Variants in RIMS2 observed in about 807,000 individuals in gnomAD.
RIMS2 encodes regulating synaptic membrane exocytosis 2.
Under a neutral mutation model 174.4 loss-of-function variants are expected in RIMS2, and 59 were observed. The ratio of observed to expected loss-of-function variants is 0.34; its 90% CI spans 0.27 to 0.42. The LOEUF (loss-of-function observed/expected upper bound fraction) is 0.42, where lower values mean the gene tolerates loss of function less well. Among genes scored for constraint, RIMS2 ranks in the 10% least tolerant of loss-of-function variants. The pLI, the probability that RIMS2 is intolerant of heterozygous loss-of-function variation, is 1.00. For missense variants in RIMS2, 1,620 were observed against 1,666.3 expected (o/e 0.97, Z 0.48); for synonymous variants, 606 against 572.5 (o/e 1.06, Z -0.84).
In RIMS2 at chr8:103,652,766, A is replaced by C. The variant is rs1589739375; in HGVS notation, c.177-44320A>C. 1.4e-5 allele frequency: 14 copies of C among 1,035,542 alleles called. No individual in the cohort carries two copies. The East Asian group carries it at 7.6e-4, about 57-fold the overall frequency. The allele number at this position is 1,035,542 out of a possible 1,614,324, so 64.1% of individuals were successfully genotyped here. Reference sequence around the variant, plus strand: ...TTATCTCTGATAGTATAACATACTGAAAAGTATGTGTTAAAATACTGTCCT... The same window carrying C: ...TTATCTCTGATAGTATAACATACTGCAAAGTATGTGTTAAAATACTGTCCT... On this transcript the variant is annotated intron_variant, in intron 1 of 23. Coordinates refer to ENST00000504942, the Ensembl canonical transcript of RIMS2.
chr8:103,909,498 A>T (rs2075213857), intron 4 of RIMS2, among the ~76,000 whole-genome samples: 1 of 152,130 alleles, frequency 6.6e-6, no homozygotes, highest in African/African-American at 2.4e-5. Context: ...GTGATTCATG[A>T]TGTTTAAGTA....
At chr8:103,595,945 T>C (rs954310066) in intron 1 of RIMS2, among the ~76,000 whole-genome samples, 1 of 152,014 alleles carries the variant, frequency 6.6e-6, no homozygotes, top group Non-Finnish European at 1.5e-5. Context: ...AAGAAGTTAC[T>C]TTCAATATTT....
At chr8:104,116,202 A>G (rs921560052) in intron 19 of RIMS2, among the ~76,000 whole-genome samples, 3 of 152,294 alleles carry the variant, frequency 2.0e-5, no homozygotes, top group Admixed American at 6.5e-5. Context: ...ATGTGTGTAC[A>G]TGTATGTGTT....
rs555053788 is a variant in RIMS2 at position 104,133,826 on chromosome 8, G to A, written c.3335-111090G>A. 2.0e-5 allele frequency among the ~76,000 whole-genome samples: 3 copies of A among 152,260 alleles called. No individual in the cohort carries two copies. In the South Asian group the frequency reaches 6.2e-4, roughly 32 times the overall value. On this transcript the variant is annotated intron_variant, in intron 19 of 23. Transcript: ENST00000504942. ...GGGTGCCTCTGGATTTTTACCTTCAGCAACTAGGTAAATAGTTATACTCTT... is the reference window on the plus strand; with the variant it reads ...GGGTGCCTCTGGATTTTTACCTTCAACAACTAGGTAAATAGTTATACTCTT...
At chr8:103,663,610 C>T (rs2096630863) in intron 1 of RIMS2, among the ~76,000 whole-genome samples, 1 of 152,152 alleles carries the variant, frequency 6.6e-6, no homozygotes, top group South Asian at 2.1e-4. Flanking sequence ...GAACTACAAA[C>T]CACTGCTCAA....
chr8:103,752,775 A>G (rs186622897), intron 2 of RIMS2, among the ~76,000 whole-genome samples: 22 of 152,196 alleles, frequency 1.4e-4, no homozygotes, highest in Admixed American at 1.2e-3. Flanking sequence ...ATTTTTGTAC[A>G]TTGATTTTGT....
At chr8:103,846,469 C>G (rs914292826) in intron 3 of RIMS2, among the ~76,000 whole-genome samples, 1 of 152,072 alleles carries the variant, frequency 6.6e-6, no homozygotes, top group African/African-American at 2.4e-5. Flanking sequence ...TTTCTCTTAT[C>G]TATATACCCC....
At chr8:103,951,008 A>C (rs2085215868) in intron 14 of RIMS2, among the ~76,000 whole-genome samples, 1 of 152,234 alleles carries the variant, frequency 6.6e-6, no homozygotes, top group Non-Finnish European at 1.5e-5. Flanking sequence ...CCACATCAAA[A>C]AGTCAATTCA....
chr8:103,595,368 C>T (rs907704918), intron 1 of RIMS2, among the ~76,000 whole-genome samples: 1 of 151,810 alleles, frequency 6.6e-6, no homozygotes, highest in South Asian at 2.1e-4. Context: ...ATAGTTACAA[C>T]ACAATTTCCA....
intron 1 of RIMS2, among the ~76,000 whole-genome samples, chr8:103,622,172 CT>C (rs1406493201): frequency 6.6e-6 from 1 of 152,014 alleles, no homozygotes; most frequent in Non-Finnish European, 1.5e-5. Flanking sequence ...AGAAAAAATA[CT>C]TTTGCTATAG....
intron 2 of RIMS2, among the ~76,000 whole-genome samples, chr8:103,749,959 CT>C (rs2139675782): frequency 6.6e-6 from 1 of 152,060 alleles, no homozygotes; most frequent in Admixed American, 6.5e-5. Context: ...ATTTAAAAAT[CT>C]TATTTTAATT....
At chr8:103,927,998 C>T (rs1359983477) in intron 11 of RIMS2, 4 of 771,886 alleles carry the variant, frequency 5.2e-6, no homozygotes, top group Non-Finnish European at 8.4e-6. Flanking sequence ...TGCTCCAAAT[C>T]ATATTATTGA....
intron 3 of RIMS2, among the ~76,000 whole-genome samples, chr8:103,857,035 A>T (rs1306026763): frequency 6.6e-6 from 1 of 152,124 alleles, no homozygotes; most frequent in Admixed American, 6.6e-5. Context: ...AGGTAGAGAC[A>T]ATATCATTAC....
chr8:103,767,232 G>T (rs1368253236), intron 3 of RIMS2, among the ~76,000 whole-genome samples: 2 of 151,146 alleles, frequency 1.3e-5, no homozygotes, highest in Admixed American at 6.6e-5. Context: ...TCTGTCATCA[G>T]GCTGGAGTGC....
chr8:103,790,396 G>A (rs2098485723), intron 3 of RIMS2, among the ~76,000 whole-genome samples: 1 of 152,062 alleles, frequency 6.6e-6, no homozygotes. Flanking sequence ...TTAGCATAAT[G>A]TTTTCAAAGT....
chr8:104,022,850 A>G lies in RIMS2; in HGVS notation c.3334+8235A>G, dbSNP rs141442139. Among the ~76,000 whole-genome samples, 164 of 152,330 alleles carry G rather than the reference A, an allele frequency of 1.1e-3. 1 individual carries two copies. In the Middle Eastern group the frequency reaches 0.017, roughly 16 times the overall value. ...ATCCTCTCCACTGCAAAATATTGCT[A>G]TTGCTATATAAATCAATCCAACATA... On this transcript the variant is annotated intron_variant, in intron 19 of 23. Transcript: ENST00000504942.
chr8:103,942,071 G>T (rs2082664538), intron 13 of RIMS2, among the ~76,000 whole-genome samples: 1 of 152,070 alleles, frequency 6.6e-6, no homozygotes, highest in Non-Finnish European at 1.5e-5. Context: ...GGGGTTTGTT[G>T]TGCAGATTAT....
At chr8:103,681,109 T>G (rs2096874718) in intron 1 of RIMS2, among the ~76,000 whole-genome samples, 1 of 152,008 alleles carries the variant, frequency 6.6e-6, no homozygotes, top group African/African-American at 2.4e-5. Flanking sequence ...GCCATTAAAA[T>G]GCATGAACTA....
At chr8:104,197,081 T>C (rs2099028483) in intron 19 of RIMS2, among the ~76,000 whole-genome samples, 1 of 152,166 alleles carries the variant, frequency 6.6e-6, no homozygotes, top group African/African-American at 2.4e-5. Flanking sequence ...ATTCTCATTG[T>C]TGTGTTTGTC....
Sources: gnomAD v4.1 joint callset for allele counts (sites outside exome capture counted in the v4.1 genomes callset) on GRCh38, gnomAD v4.1.1 for gene constraint, MANE v1.5 for transcripts, NCBI Gene and HGNC (gene_info 2026-07-23, HGNC 2026-07-21) for gene names.